Variants in XKR5 observed in about 807,000 individuals in gnomAD.
The protein encoded by XKR5 is XK-related protein 5.
In XKR5, 46 loss-of-function variants were observed where a neutral mutation model predicts 40.8. That is an observed-to-expected ratio of 1.13 (90% CI 0.89 to 1.44). XKR5 has a LOEUF of 1.44. XKR5 is among the 40% of genes most tolerant of loss of function. XKR5 has a pLI of 0.00. For missense variants in XKR5, 1,169 were observed against 844.7 expected (o/e 1.38, Z -4.76); for synonymous variants, 466 against 356.1 (o/e 1.31, Z -3.48).
chr8:6,818,223 C>T (rs986995175), intron 5 of XKR5, among the ~76,000 whole-genome samples: 7 of 152,226 alleles, frequency 4.6e-5, no homozygotes, highest in Non-Finnish European at 1.0e-4. Flanking sequence ...TCCATTACTT[C>T]CGCAGCTTTG....
intron 2 of XKR5, chr8:6,829,199 C>T (rs9692693): frequency 4.7e-5 from 8 of 169,146 alleles, no homozygotes; most frequent in Admixed American, 3.3e-4. Flanking sequence ...TTCCTTTTGA[C>T]AACCTTGAAC....
intron 5 of XKR5, among the ~76,000 whole-genome samples, chr8:6,821,223 C>A (rs142004548): frequency 6.6e-6 from 1 of 152,178 alleles, no homozygotes; most frequent in African/African-American, 2.4e-5. Flanking sequence ...CTCTCCTTTG[C>A]CCATTATAAT....
intron 6 of XKR5, among the ~76,000 whole-genome samples, chr8:6,814,966 C>G (rs1213113145): frequency 1.3e-5 from 2 of 152,216 alleles, no homozygotes; most frequent in Admixed American, 6.5e-5. Context: ...TTCCAGGCAC[C>G]TCTTCAGGGT....
chr8:6,812,297 T>A lies in XKR5; in HGVS notation c.962A>T (p.Lys321Ile). Residue 321 changes from lysine to isoleucine, a missense_variant, in exon 7 of 7, where the codon AAA becomes ATA. By Grantham distance (102) the Lys-to-Ile change is moderately radical (BLOSUM62 -3). Transcript: ENST00000618742. ...GCAGCCCTGCCAGATGTCTGTGGAT[T>A]TTGGATGCAGCAGGCTGTAATAAAT... ...LVIYYSLLHPKSTDIWQGCLR... is the reference protein window; with the variant it reads ...LVIYYSLLHPISTDIWQGCLR... The A allele has an allele frequency of 6.4e-7, 1 of 1,553,544 alleles. No individual in the cohort carries two copies. Among genetic ancestry groups the A allele is most frequent in the Non-Finnish European group, 8.7e-7 (1 of 1,147,650 alleles).
chr8:6,818,766 G>A (rs1309275156), intron 5 of XKR5, among the ~76,000 whole-genome samples: 1 of 152,234 alleles, frequency 6.6e-6, no homozygotes, highest in Non-Finnish European at 1.5e-5. Context: ...ACAACCAGCA[G>A]GGCTGAGGCC....
chr8:6,826,448 G>C (rs1417152530), intron 2 of XKR5, among the ~76,000 whole-genome samples: 5 of 152,116 alleles, frequency 3.3e-5, no homozygotes, highest in African/African-American at 1.2e-4. Flanking sequence ...CCTAGGAATG[G>C]AAAGTAGGGA....
Position 6,811,677 on chromosome 8 carries a change from C to T in XKR5, c.1582G>A (p.Gly528Ser), listed in dbSNP as rs1248473231. The T allele has an allele frequency of 6.5e-7, 1 of 1,537,774 alleles. No homozygotes were observed. The highest frequency in any genetic ancestry group is 8.7e-7 in the Non-Finnish European group (1 of 1,147,052). ...AVSGTQGKGT[G>S]GQQRGGEGQQ... ...CCTTCCCCTCCTCTCTGCTGCCCAC[C>T]TGTCCCCTTCCCCTGTGTCCCAGAA... The change falls in exon 7 of 7, where the codon GGT (glycine) becomes AGT (serine). Residue 528 changes from glycine to serine, a missense_variant. Coordinates refer to ENST00000618742, the MANE Select transcript of XKR5 (RefSeq NM_207411.5).
At chr8:6,815,376 A>G (rs1287494169) in intron 6 of XKR5, among the ~76,000 whole-genome samples, 2 of 151,912 alleles carry the variant, frequency 1.3e-5, no homozygotes, top group East Asian at 3.9e-4. Context: ...TCTTTCGGGG[A>G]CTCAACCTCC....
intron 1 of XKR5, among the ~76,000 whole-genome samples, chr8:6,834,191 A>C (rs1292310935): frequency 6.6e-6 from 1 of 152,196 alleles, no homozygotes; most frequent in Non-Finnish European, 1.5e-5. Context: ...CACCGCACAC[A>C]GGCATCGTTT....
intron 4 of XKR5, among the ~76,000 whole-genome samples, chr8:6,822,800 A>C (rs537138929): frequency 2.0e-5 from 3 of 152,332 alleles, no homozygotes; most frequent in African/African-American, 7.2e-5. Flanking sequence ...GCGTGTGCCT[A>C]GACTGAGGGA....
rs375808091 is a variant in XKR5, at chr8:6,832,758, G to A, written c.201C>T (p.Ser67=). 38 of 1,613,396 alleles carry A rather than the reference G, an allele frequency of 2.4e-5. No individual in the cohort carries two copies. The East Asian group carries it at 7.6e-4, about 32-fold the overall frequency. Reference sequence around the variant, plus strand: ...GCTGTAGGAGGTGCAGCATCATCAAGGAGCAATGCCCTGGATGCCCGTCTG... The same window carrying A: ...GCTGTAGGAGGTGCAGCATCATCAAAGAGCAATGCCCTGGATGCCCGTCTG... ...FRADGHPGHC[S]LMMLHLLQLG... Residue 67 remains serine, a synonymous_variant, in exon 2 of 7, where the codon TCC becomes TCT. Transcript: ENST00000618742.
chr8:6,825,363 G>A lies in XKR5; in HGVS notation c.243-14C>T. ...GCGTCCCAGTGCCTAGGGAACAGCAGAGGGCACGTGACACGGAGCCAGGCT... is the reference window on the plus strand; with the variant it reads ...GCGTCCCAGTGCCTAGGGAACAGCAAAGGGCACGTGACACGGAGCCAGGCT... On this transcript the variant is annotated splice_polypyrimidine_tract_variant and intron_variant, in intron 2 of 6. Transcript: ENST00000618742. 6.6e-7 allele frequency: 1 copy of A among 1,517,190 alleles called. No homozygotes were observed. The highest frequency in any genetic ancestry group is 8.8e-7 in the Non-Finnish European group (1 of 1,137,612). The allele number at this position is 1,517,190 out of a possible 1,614,324, so 94.0% of individuals were successfully genotyped here. A position where few individuals can be genotyped will look rare whatever the true frequency, so the allele number is the denominator to read the frequency against.
intron 2 of XKR5, among the ~76,000 whole-genome samples, chr8:6,831,028 T>G (rs1340645906): frequency 2.0e-5 from 3 of 152,210 alleles, no homozygotes; most frequent in African/African-American, 7.2e-5. Flanking sequence ...CTTCTCTAAG[T>G]GACCACCTGG....
Position 6,810,919 on chromosome 8 carries a change from C to G in XKR5, c.*279G>C, listed in dbSNP as rs893760186. 1 of 294,060 alleles carries G rather than the reference C, an allele frequency of 3.4e-6. No homozygotes were observed. Among genetic ancestry groups the G allele is most frequent in the Non-Finnish European group, 6.3e-6 (1 of 159,458 alleles). The allele number at this position is 294,060 out of a possible 1,614,324, so 18.2% of individuals were successfully genotyped here. On this transcript the variant is annotated 3_prime_UTR_variant, in exon 7 of 7. Coordinates refer to ENST00000618742, the MANE Select transcript of XKR5 (RefSeq NM_207411.5). ...AAAGATAAAATAAGGGAACCTACAG[C>G]TCATAAAAGGTAGCAGACAATTTTG... is the stretch of plus-strand genomic sequence containing the variant.
At chr8:6,814,101 C>G (rs1340139689) in intron 6 of XKR5, among the ~76,000 whole-genome samples, 1 of 152,206 alleles carries the variant, frequency 6.6e-6, no homozygotes, top group African/African-American at 2.4e-5. Context: ...AACACCCAGA[C>G]CACGATGCAA....
chr8:6,823,564 A>T lies in XKR5; in HGVS notation c.594T>A (p.Val198=), dbSNP rs1158858191. The T allele has an allele frequency of 1.3e-6, 2 of 1,596,910 alleles. No individual in the cohort carries two copies. Among genetic ancestry groups the T allele is most frequent in the Non-Finnish European group, 1.7e-6 (2 of 1,171,752 alleles). ...GMLGTRVLSL[V]LFYKAYHFWV... ...AAAAGTGGTAGGCTTTGTAGAACAGAACCAGACTCAGCACGCGGGTTCCCA... is the reference window on the plus strand; with the variant it reads ...AAAAGTGGTAGGCTTTGTAGAACAGTACCAGACTCAGCACGCGGGTTCCCA... Residue 198 remains valine, a synonymous_variant, in exon 4 of 7, where the codon GTT becomes GTA. Transcript: ENST00000618742.
chr8:6,808,993 C>G lies in XKR5; in HGVS notation c.*2205G>C, dbSNP rs1018417567. 6.6e-6 allele frequency: 1 copy of G among 152,236 alleles called. No homozygotes were observed. Among genetic ancestry groups the G allele is most frequent in the African/African-American group, 2.4e-5 (1 of 41,440 alleles). 9.4% of individuals were successfully genotyped at this position (152,236 alleles called of 1,614,324 possible). On this transcript the variant is annotated 3_prime_UTR_variant, in exon 7 of 7. Coordinates refer to ENST00000618742, the MANE Select transcript of XKR5 (RefSeq NM_207411.5). ...TTAGCCCAGAAGGAGGACTGCAACC[C>G]TTAATTAGCCTTCAGGGAGGCAGGG... is the stretch of plus-strand genomic sequence containing the variant.
chr8:6,834,167 T>G (rs748015466), intron 1 of XKR5, among the ~76,000 whole-genome samples: 43 of 152,314 alleles, frequency 2.8e-4, no homozygotes, highest in Admixed American at 1.0e-3. Flanking sequence ...TTGGAGGCGG[T>G]GCGCTGGTAG....
At position 6,822,021 on chromosome 8, in the gene XKR5, T is replaced by G; in HGVS notation, c.655A>C (p.Met219Leu). ...FVVAGAHWLV[M>L]TFWLVAQQSD... Reference sequence around the variant, plus strand: ...TGCTGGGCGACAAGCCAGAATGTCATCACCAGCCAGTGGGCACCTGCAGAG... The same window carrying G: ...TGCTGGGCGACAAGCCAGAATGTCAGCACCAGCCAGTGGGCACCTGCAGAG... The change falls in exon 5 of 7, where the codon ATG becomes CTG. Residue 219 changes from methionine to leucine, a missense_variant. By Grantham distance (15) the Met-to-Leu change is conservative. Coordinates refer to ENST00000618742, the MANE Select transcript of XKR5 (RefSeq NM_207411.5). 6.2e-7 allele frequency: 1 copy of G among 1,605,038 alleles called. No individual in the cohort carries two copies. The highest frequency in any genetic ancestry group is 8.5e-7 in the Non-Finnish European group (1 of 1,175,996).
Sources: gnomAD v4.1 joint callset for allele counts (sites outside exome capture counted in the v4.1 genomes callset) on GRCh38, gnomAD v4.1.1 for gene constraint, MANE v1.5 for transcripts, NCBI Gene and HGNC (gene_info 2026-07-23, HGNC 2026-07-21) for gene names.